The following AASS variants were observed in gnomAD, a reference collection of about 807,000 sequenced individuals.
AASS encodes alpha-aminoadipic semialdehyde synthase, mitochondrial.
In AASS, 86 loss-of-function variants were observed where a neutral mutation model predicts 105.4. The observed-to-expected ratio is 0.82, with a 90% CI of 0.69 to 0.98. The LOEUF is 0.98. Ranked by LOEUF, AASS falls within the 50% of genes least tolerant of loss-of-function variation. The pLI is 0.00. For missense variants in AASS, 1,048 were observed against 1,143.2 expected, an observed-to-expected ratio of 0.92 and a Z score of 1.20; for synonymous variants, 381 against 394.8, an observed-to-expected ratio of 0.96 and a Z score of 0.41.
rs139787843 is a variant in AASS at position 122,095,351 on chromosome 7, A to G, written c.1656-2193T>C. On this transcript the variant is annotated intron_variant, in intron 15 of 23. Coordinates refer to ENST00000417368, the MANE Select transcript of AASS (RefSeq NM_005763.4). Reference sequence around the variant, plus strand: ...GGGACTGCATAATCAAAAGAAATTAAATTTTCATAAATATGAGTGTTATAA... The same window carrying G: ...GGGACTGCATAATCAAAAGAAATTAGATTTTCATAAATATGAGTGTTATAA... 3.9e-4 allele frequency among the ~76,000 whole-genome samples: 59 copies of G among 152,256 alleles called. No individual in the cohort carries two copies. In the East Asian group the frequency reaches 0.011, roughly 28 times the overall value.
chr7:122,078,560 G>A (rs189355250), intron 22 of AASS, among the ~76,000 whole-genome samples: 29 of 152,264 alleles, frequency 1.9e-4, no homozygotes, highest in African/African-American at 5.8e-4. Flanking sequence ...ACAGTGAGCC[G>A]AGATGGAGCC....
intron 18 of AASS, among the ~76,000 whole-genome samples, chr7:122,090,920 T>C (rs1454449095): frequency 1.3e-5 from 2 of 152,088 alleles, no homozygotes; most frequent in Non-Finnish European, 2.9e-5. Flanking sequence ...TCCACTAGTT[T>C]TTCTTTTCCC....
intron 23 of AASS, among the ~76,000 whole-genome samples, chr7:122,076,871 C>G (rs1362330299): frequency 6.6e-6 from 1 of 152,196 alleles, no homozygotes; most frequent in Non-Finnish European, 1.5e-5. Context: ...GCATTAATTT[C>G]TGCCAGGACA....
chr7:122,129,913 A>G (rs1018071136), intron 2 of AASS, among the ~76,000 whole-genome samples: 3 of 152,142 alleles, frequency 2.0e-5, no homozygotes, highest in Non-Finnish European at 4.4e-5. Context: ...TATTTTTAAA[A>G]GATAAGACAT....
intron 3 of AASS, among the ~76,000 whole-genome samples, chr7:122,126,762 C>T (rs1444954902): frequency 8.5e-5 from 13 of 152,064 alleles, no homozygotes; most frequent in Admixed American, 2.6e-4. Flanking sequence ...CACCCAGCAC[C>T]ATCTATAAAC....
At chr7:122,109,253 CAA>C (rs3069225) in intron 11 of AASS, among the ~76,000 whole-genome samples, 2 of 112,088 alleles carry the variant, frequency 1.8e-5, no homozygotes, top group Admixed American at 9.4e-5. Flanking sequence ...CAATCCTTAC[CAA>C]AAAAAAAAAA....
At chr7:122,098,089 G>A (rs1361088221) in intron 15 of AASS, among the ~76,000 whole-genome samples, 1 of 151,980 alleles carries the variant, frequency 6.6e-6, no homozygotes, top group Non-Finnish European at 1.5e-5. Context: ...AGCCACAAAT[G>A]AGGATATATT....
intron 1 of AASS, among the ~76,000 whole-genome samples, chr7:122,137,073 G>T (rs1467437932): frequency 1.3e-5 from 2 of 152,154 alleles, no homozygotes; most frequent in South Asian, 4.1e-4. Flanking sequence ...TGCATGGAAG[G>T]CTTAAATAAT....
At chr7:122,108,165 A>C (rs375720173) in intron 11 of AASS, among the ~76,000 whole-genome samples, 45 of 152,234 alleles carry the variant, frequency 3.0e-4, no homozygotes, top group African/African-American at 1.1e-3. Context: ...AAGCAGCAAG[A>C]TTGAATCAGT....
At chr7:122,111,265 A>G (rs980665873) in intron 11 of AASS, among the ~76,000 whole-genome samples, 1 of 152,208 alleles carries the variant, frequency 6.6e-6, no homozygotes, top group African/African-American at 2.4e-5. Flanking sequence ...AGAAAATACC[A>G]AAACAAAATT....
At chr7:122,083,001 C>G (rs767410511) in intron 19 of AASS, 2 of 539,134 alleles carry the variant, frequency 3.7e-6, no homozygotes, top group African/African-American at 2.0e-5. Flanking sequence ...GGTGAGAAGG[C>G]TAAGATAAGA....
In AASS at chr7:122,075,032, T is replaced by C. The variant is rs1204443922; in HGVS notation, c.*1457A>G. Among the ~76,000 whole-genome samples the C allele has an allele frequency of 6.6e-6, 1 of 152,060 alleles. No homozygotes were observed. Among genetic ancestry groups the C allele is most frequent in the Non-Finnish European group, 1.5e-5 (1 of 68,020 alleles). Reference sequence around the variant, plus strand: ...TGTCATCACATCCAGCTGTTTTTTGTTTGCTTGTTGTTTTTTGTTTGTTTG... The same window carrying C: ...TGTCATCACATCCAGCTGTTTTTTGCTTGCTTGTTGTTTTTTGTTTGTTTG... On this transcript the variant is annotated 3_prime_UTR_variant, in exon 24 of 24. Transcript: ENST00000417368.
intron 6 of AASS, among the ~76,000 whole-genome samples, chr7:122,117,241 T>G (rs1306796742): frequency 3.3e-5 from 5 of 152,232 alleles, no homozygotes; most frequent in Non-Finnish European, 7.3e-5. Context: ...GGAAAAATAT[T>G]TCCATTTATT....
At chr7:122,080,536 C>T (rs1473496843) in intron 20 of AASS, among the ~76,000 whole-genome samples, 1 of 152,038 alleles carries the variant, frequency 6.6e-6, no homozygotes, top group Admixed American at 6.6e-5. Context: ...TTCACTCCTA[C>T]CCAACAAGTA....
Position 122,129,347 on chromosome 7 carries a change from T to G in AASS, c.387+14A>C. 6.6e-7 allele frequency: 1 copy of G among 1,514,044 alleles called. No homozygotes were observed. Among genetic ancestry groups the G allele is most frequent in the Non-Finnish European group, 8.9e-7 (1 of 1,120,104 alleles). 93.8% of individuals were successfully genotyped at this position (1,514,044 alleles called of 1,614,324 possible). ...TTTCTACATTAATATTTATAAATAT[T>G]AATCACTAATTACCTGTTTTAGAAT... On this transcript the variant is annotated intron_variant, in intron 3 of 23. Transcript: ENST00000417368.
Position 122,106,686 on chromosome 7 carries a change from G to A in AASS, c.1279-5006C>T, listed in dbSNP as rs558720423. Among the ~76,000 whole-genome samples the A allele has an allele frequency of 1.2e-3, 178 of 152,202 alleles. 1 individual carries two copies. Among genetic ancestry groups the A allele is most frequent in the South Asian group, 2.3e-3 (11 of 4,834 alleles). ...CTCCCTGTTTAATAAATGGTGCTGG[G>A]ATAACTGGCTAGCTATATGCAGAAG... On this transcript the variant is annotated intron_variant, in intron 11 of 23. Coordinates refer to ENST00000417368, the MANE Select transcript of AASS (RefSeq NM_005763.4).
chr7:122,140,402 G>C (rs1427857146), intron 1 of AASS, among the ~76,000 whole-genome samples: 1 of 150,040 alleles, frequency 6.7e-6, no homozygotes, highest in African/African-American at 2.5e-5. Context: ...GGAGAATGGC[G>C]TGGAACCCGG....
chr7:122,079,238 GTTC>G (rs1006487502), intron 21 of AASS: 1 of 1,365,666 alleles, frequency 7.3e-7, no homozygotes, highest in Non-Finnish European at 9.4e-7. Context: ...TTATAGGTTA[GTTC>G]TCCAACATTA....
At chr7:122,111,731 A>G (rs1584864889) in intron 11 of AASS, among the ~76,000 whole-genome samples, 1 of 152,030 alleles carries the variant, frequency 6.6e-6, no homozygotes, top group Admixed American at 6.5e-5. Flanking sequence ...GTGAAACCCC[A>G]TCTCTACTAA....
Sources: gnomAD v4.1 joint callset for allele counts (sites outside exome capture counted in the v4.1 genomes callset) on GRCh38, gnomAD v4.1.1 for gene constraint, MANE v1.5 for transcripts, NCBI Gene and HGNC (gene_info 2026-07-23, HGNC 2026-07-21) for gene names.